Variants in MEMO1 observed in about 807,000 individuals in gnomAD.
MEMO1 encodes protein MEMO1.
Under a neutral mutation model 45.2 loss-of-function variants are expected in MEMO1, and 6 were observed. The observed-to-expected ratio is 0.13, with a 90% CI of 0.07 to 0.26. The LOEUF is 0.26. Ranked by LOEUF, MEMO1 falls within the 10% of genes least tolerant of loss-of-function variation. The pLI, the probability that MEMO1 is intolerant of heterozygous loss-of-function variation, is 1.00. For missense variants in MEMO1, 184 were observed against 370.5 expected, an observed-to-expected ratio of 0.50 and a Z score of 4.13; for synonymous variants, 78 against 124.3, an observed-to-expected ratio of 0.63 and a Z score of 2.48.
chr2:31,879,335 G>A (rs931402483), intron 8 of MEMO1, among the ~76,000 whole-genome samples: 2 of 151,970 alleles, frequency 1.3e-5, no homozygotes, highest in African/African-American at 4.8e-5. Context: ...AACTCTACTG[G>A]CTCTGCTTTA....
chr2:31,965,503 T>C (rs1242563773), intron 2 of MEMO1, among the ~76,000 whole-genome samples: 1 of 152,094 alleles, frequency 6.6e-6, no homozygotes, highest in Non-Finnish European at 1.5e-5. Flanking sequence ...ACCACAATTT[T>C]AGAGTTGGAA....
intron 8 of MEMO1, among the ~76,000 whole-genome samples, chr2:31,872,346 T>A (rs1673906677): frequency 6.6e-6 from 1 of 152,208 alleles, no homozygotes; most frequent in South Asian, 2.1e-4. Context: ...CTTGCATACA[T>A]GTTGTAGGTG....
At chr2:31,918,403 A>G (rs1229600059) in intron 5 of MEMO1, among the ~76,000 whole-genome samples, 2 of 152,206 alleles carry the variant, frequency 1.3e-5, no homozygotes, top group African/African-American at 2.4e-5. Flanking sequence ...CCTTGACTTT[A>G]ATCAGTACAT....
intron 6 of MEMO1, among the ~76,000 whole-genome samples, chr2:31,917,132 A>G (rs890144566): frequency 3.9e-5 from 6 of 152,200 alleles, no homozygotes; most frequent in African/African-American, 9.6e-5. Flanking sequence ...ACAGAGCATC[A>G]TGTACTTTAC....
chr2:31,906,195 C>T (rs1158160797), intron 6 of MEMO1, among the ~76,000 whole-genome samples: 1 of 152,088 alleles, frequency 6.6e-6, no homozygotes, highest in African/African-American at 2.4e-5. Flanking sequence ...TTGTCTCGAA[C>T]TCCTGACCTC....
At chr2:31,994,125 T>TA (rs1672284800) in intron 2 of MEMO1, among the ~76,000 whole-genome samples, 1 of 149,648 alleles carries the variant, frequency 6.7e-6, no homozygotes, top group African/African-American at 2.4e-5. Context: ...CACGCCTGGC[T>TA]AATTTTTGTA....
At chr2:31,972,609 G>A (rs1388510184) in intron 2 of MEMO1, among the ~76,000 whole-genome samples, 2 of 152,160 alleles carry the variant, frequency 1.3e-5, no homozygotes, top group Non-Finnish European at 2.9e-5. Flanking sequence ...TACTCAGGAG[G>A]CTGAGACAGG....
At chr2:32,008,429 A>T (rs1298130933) in intron 2 of MEMO1, among the ~76,000 whole-genome samples, 1 of 152,124 alleles carries the variant, frequency 6.6e-6, no homozygotes, top group African/African-American at 2.4e-5. Flanking sequence ...CTAAAAATAC[A>T]AAAAATTAGC....
intron 4 of MEMO1, among the ~76,000 whole-genome samples, chr2:31,930,088 C>T (rs1162061055): frequency 6.6e-6 from 1 of 152,182 alleles, no homozygotes; most frequent in Non-Finnish European, 1.5e-5. Context: ...CAGGCGAAAG[C>T]GTGTCTCCAC....
intron 7 of MEMO1, among the ~76,000 whole-genome samples, chr2:31,885,596 C>G (rs892266984): frequency 8.5e-5 from 13 of 152,208 alleles, no homozygotes; most frequent in African/African-American, 3.1e-4. Context: ...ACACCTTAGA[C>G]AAGAATATTC....
chr2:31,930,089 G>A (rs1683727160), intron 4 of MEMO1, among the ~76,000 whole-genome samples: 2 of 152,142 alleles, frequency 1.3e-5, no homozygotes, highest in Admixed American at 6.5e-5. Context: ...AGGCGAAAGC[G>A]TGTCTCCACT....
intron 3 of MEMO1, among the ~76,000 whole-genome samples, chr2:31,938,236 T>G (rs896110682): frequency 1.3e-5 from 2 of 152,154 alleles, no homozygotes; most frequent in Admixed American, 6.5e-5. Context: ...AACAATATTT[T>G]TAAGCACTTT....
chr2:32,008,121 A>C (rs936089154), intron 2 of MEMO1, among the ~76,000 whole-genome samples: 13 of 152,246 alleles, frequency 8.5e-5, no homozygotes, highest in Admixed American at 8.5e-4. Flanking sequence ...ATAATCACAG[A>C]ATGTTTTGAG....
At chr2:31,884,679 G>A (rs1675922721) in intron 7 of MEMO1, among the ~76,000 whole-genome samples, 1 of 152,060 alleles carries the variant, frequency 6.6e-6, no homozygotes, top group Non-Finnish European at 1.5e-5. Context: ...CACCTTTGAT[G>A]GTCACCTTTC....
At chr2:31,926,285 T>A (rs1219772872) in intron 4 of MEMO1, among the ~76,000 whole-genome samples, 1 of 150,388 alleles carries the variant, frequency 6.6e-6, no homozygotes, top group Non-Finnish European at 1.5e-5. Flanking sequence ...AATAGGAGGA[T>A]CACTTGAGCC....
At chr2:32,004,180 CAAAT>C (rs1320891024) in intron 2 of MEMO1, among the ~76,000 whole-genome samples, 2 of 151,970 alleles carry the variant, frequency 1.3e-5, no homozygotes, top group Non-Finnish European at 2.9e-5. Context: ...GACCCTGTCT[CAAAT>C]AAATAAATAA....
At chr2:31,922,291 T>C (rs1258883718) in intron 4 of MEMO1, among the ~76,000 whole-genome samples, 1 of 151,432 alleles carries the variant, frequency 6.6e-6, no homozygotes, top group East Asian at 1.9e-4. Context: ...ATATGTTACT[T>C]CATAAATTGC....
chr2:32,009,446 C>T (rs1439249000), intron 2 of MEMO1, among the ~76,000 whole-genome samples: 3 of 152,252 alleles, frequency 2.0e-5, no homozygotes, highest in African/African-American at 7.2e-5. Flanking sequence ...GAAAGGCCCT[C>T]CTCTGACAGA....
chr2:31,945,071 A>G (rs1001953340), intron 2 of MEMO1, among the ~76,000 whole-genome samples: 1 of 152,174 alleles, frequency 6.6e-6, no homozygotes, highest in African/African-American at 2.4e-5. Flanking sequence ...CTTTCACTGT[A>G]TATGTATCAA....
Sources: gnomAD v4.1 joint callset for allele counts (sites outside exome capture counted in the v4.1 genomes callset) on GRCh38, gnomAD v4.1.1 for gene constraint, MANE v1.5 for transcripts, NCBI Gene and HGNC (gene_info 2026-07-23, HGNC 2026-07-21) for gene names.